The following HEPHL1 variants were observed in gnomAD, a reference collection of about 807,000 sequenced individuals.
HEPHL1 encodes the protein hephaestin like 1.
A neutral mutation model predicts 122.0 loss-of-function variants in HEPHL1; 123 were observed. That is an observed-to-expected ratio of 1.01 (90% CI 0.87 to 1.17). The LOEUF is 1.17. Ranked by LOEUF, HEPHL1 falls within the 50% of genes most tolerant of loss-of-function variation. The pLI is 0.00. For synonymous variants in HEPHL1, 527 were observed against 508.9 expected, an observed-to-expected ratio of 1.04 and a Z score of -0.48; for missense variants, 1,452 against 1,430.5, an observed-to-expected ratio of 1.01 and a Z score of -0.24.
intron 1 of HEPHL1, among the ~76,000 whole-genome samples, chr11:94,039,255 C>T (rs1232265149): frequency 6.8e-6 from 1 of 146,116 alleles, no homozygotes; most frequent in Non-Finnish European, 1.5e-5. Context: ...GACTTAGACT[C>T]CCACACATTA....
intron 12 of HEPHL1, among the ~76,000 whole-genome samples, chr11:94,090,967 G>C (rs971696030): frequency 6.6e-6 from 1 of 152,190 alleles, no homozygotes; most frequent in Non-Finnish European, 1.5e-5. Flanking sequence ...ACAATGTCCA[G>C]GGGAAGTTTA....
chr11:94,030,542 G>C (rs1362043250), intron 1 of HEPHL1, among the ~76,000 whole-genome samples: 1 of 152,160 alleles, frequency 6.6e-6, no homozygotes, highest in African/African-American at 2.4e-5. Context: ...TGGAGCTCCA[G>C]TCATCATGTC....
chr11:94,044,017 G>A (rs1366280809), intron 1 of HEPHL1, among the ~76,000 whole-genome samples: 1 of 151,886 alleles, frequency 6.6e-6, no homozygotes, highest in African/African-American at 2.4e-5. Flanking sequence ...ACCCCCAAAA[G>A]GGACACAGCT....
At chr11:94,096,481 CT>C (rs1212529608) in intron 13 of HEPHL1, among the ~76,000 whole-genome samples, 1 of 152,124 alleles carries the variant, frequency 6.6e-6, no homozygotes, top group African/African-American at 2.4e-5. Flanking sequence ...CTAAAAGTCT[CT>C]TTTTTGGTTG....
intron 12 of HEPHL1, among the ~76,000 whole-genome samples, chr11:94,091,297 T>C (rs747172549): frequency 6.6e-6 from 1 of 152,328 alleles, no homozygotes; most frequent in East Asian, 1.9e-4. Flanking sequence ...ACATGTGCTT[T>C]ACAGATACTG....
chr11:94,087,365 T>A (rs1393345097), intron 11 of HEPHL1, among the ~76,000 whole-genome samples: 1 of 152,204 alleles, frequency 6.6e-6, no homozygotes, highest in Non-Finnish European at 1.5e-5. Context: ...ATGTGTCCTA[T>A]ACATTTCTAA....
At chr11:94,078,146 A>C (rs1946141199) in intron 9 of HEPHL1, among the ~76,000 whole-genome samples, 1 of 152,100 alleles carries the variant, frequency 6.6e-6, no homozygotes, top group Non-Finnish European at 1.5e-5. Flanking sequence ...GGTTGGATAA[A>C]TGCAATACAG....
chr11:94,103,829 T>C (rs767859731), intron 15 of HEPHL1, among the ~76,000 whole-genome samples: 8 of 152,204 alleles, frequency 5.3e-5, no homozygotes, highest in Non-Finnish European at 1.2e-4. Flanking sequence ...GTTCAGGAGA[T>C]AGAAATACAA....
intron 13 of HEPHL1, among the ~76,000 whole-genome samples, chr11:94,095,038 G>C (rs887305639): frequency 6.6e-6 from 1 of 152,138 alleles, no homozygotes; most frequent in Admixed American, 6.5e-5. Flanking sequence ...TGTTGCCATT[G>C]CTTTTGGTGT....
Position 94,111,005 on chromosome 11 carries a change from C to A in HEPHL1, c.3148C>A (p.His1050Asn). Residue 1050 changes from histidine (H) to asparagine (N), a missense_variant, in exon 18 of 20, where the codon CAT becomes AAT. By Grantham distance (68) the His-to-Asn change is moderately conservative. Transcript: ENST00000315765. ...DHPGTWLLHC[H>N]VSDHIHAGME... is the part of the protein sequence containing the mutation. Reference sequence around the variant, plus strand: ...CCCAGGGACATGGCTGCTACACTGTCATGTGTCTGACCACATCCATGCTGG... The same window carrying A: ...CCCAGGGACATGGCTGCTACACTGTAATGTGTCTGACCACATCCATGCTGG... The A allele has an allele frequency of 6.2e-7, 1 of 1,610,306 alleles. No homozygotes were observed. Among genetic ancestry groups the A allele is most frequent in the Non-Finnish European group, 8.5e-7 (1 of 1,178,046 alleles).
chr11:94,092,729 T>G (rs1946271779), intron 12 of HEPHL1, among the ~76,000 whole-genome samples: 2 of 152,026 alleles, frequency 1.3e-5, no homozygotes, highest in Admixed American at 1.3e-4. Flanking sequence ...AGCTCAACAG[T>G]GTTAATGCTG....
At chr11:94,062,486 CTGTGTT>C (rs1945993919) in intron 2 of HEPHL1, among the ~76,000 whole-genome samples, 1 of 152,144 alleles carries the variant, frequency 6.6e-6, no homozygotes, top group Admixed American at 6.6e-5. Flanking sequence ...CTGGCTCTTG[CTGTGTT>C]ATTTGAATTT....
At chr11:94,088,627 A>G in intron 11 of HEPHL1, 128 bp from the exon 12 acceptor site, 1 of 692,598 alleles carries the variant, frequency 1.4e-6, no homozygotes, top group Non-Finnish European at 2.4e-6. Flanking sequence ...AAACTACTAG[A>G]CAACTGGTAT....
At chr11:94,082,871 C>T (rs1432580242) in intron 10 of HEPHL1, among the ~76,000 whole-genome samples, 1 of 152,014 alleles carries the variant, frequency 6.6e-6, no homozygotes, top group Non-Finnish European at 1.5e-5. Context: ...CTGAGGTGGG[C>T]AGATCACGAG....
At chr11:94,028,606 T>A (rs1945646453) in intron 1 of HEPHL1, among the ~76,000 whole-genome samples, 1 of 152,186 alleles carries the variant, frequency 6.6e-6, no homozygotes, top group Admixed American at 6.5e-5. Context: ...CCCCACTGGA[T>A]TCTTTTGCAG....
chr11:94,093,529 G>A lies in HEPHL1; in HGVS notation c.2323G>A (p.Glu775Lys). The A allele has an allele frequency of 1.9e-6, 3 of 1,613,554 alleles. No individual in the cohort carries two copies. The highest frequency in any genetic ancestry group is 1.7e-6 in the Non-Finnish European group (2 of 1,179,744). The change falls in exon 13 of 20, where the codon GAA becomes AAA. Residue 775 changes from glutamate to lysine, a missense_variant. Coordinates refer to ENST00000315765, the MANE Select transcript of HEPHL1 (RefSeq NM_001098672.2). ...TGGAGATATATTTATGAACCGCACT[G>A]AAAATTGGATTGGCTCTCAGTACAA... Reference protein sequence around the residue: ...RHGDIFMNRTENWIGSQYKKV... With the variant: ...RHGDIFMNRTKNWIGSQYKKV...
intron 1 of HEPHL1, among the ~76,000 whole-genome samples, chr11:94,022,419 A>G (rs1591456773): frequency 2.0e-5 from 3 of 152,240 alleles, no homozygotes; most frequent in African/African-American, 7.2e-5. Flanking sequence ...TGCATTCTGC[A>G]TCCATGTTCC....
chr11:94,078,339 G>C (rs1281702335), intron 9 of HEPHL1, among the ~76,000 whole-genome samples: 2 of 151,436 alleles, frequency 1.3e-5, no homozygotes, highest in Non-Finnish European at 2.9e-5. Flanking sequence ...TTATGGTTTA[G>C]ACCTCTCACC....
intron 1 of HEPHL1, among the ~76,000 whole-genome samples, chr11:94,034,058 A>C (rs1945700579): frequency 6.6e-6 from 1 of 152,210 alleles, no homozygotes; most frequent in Non-Finnish European, 1.5e-5. Flanking sequence ...GTGTGTACCA[A>C]GAAGAGAGTG....
Sources: allele counts gnomAD v4.1 joint callset (sites outside exome capture counted in the v4.1 genomes callset), GRCh38; gene constraint gnomAD v4.1.1; transcripts MANE v1.5; gene names NCBI Gene and HGNC (gene_info 2026-07-23, HGNC 2026-07-21).